TSPAN3: variants seen among roughly 807,000 people sequenced by gnomAD.
TSPAN3 encodes the protein tetraspanin 3.
A neutral mutation model predicts 31.1 loss-of-function variants in TSPAN3; 9 were observed. The ratio of observed to expected loss-of-function variants is 0.29; its 90% confidence interval spans 0.17 to 0.50. TSPAN3 has a LOEUF of 0.50. Ranked by LOEUF, TSPAN3 falls within the 20% of genes least tolerant of loss-of-function variation. TSPAN3 has a pLI of 0.98. For missense variants in TSPAN3, 252 were observed against 313.5 expected, an observed-to-expected ratio of 0.80 and a Z score of 1.48; for synonymous variants, 129 against 114.3, an observed-to-expected ratio of 1.13 and a Z score of -0.82.
At chr15:77,060,115 T>G (rs992935994) in intron 1 of TSPAN3, among the ~76,000 whole-genome samples, 13 of 152,146 alleles carry the variant, frequency 8.5e-5, no homozygotes, top group African/African-American at 3.1e-4. Flanking sequence ...CAGGCTGCAG[T>G]CAACATCCAA....
At chr15:77,053,452 A>AAAAC (rs1491393141) in intron 4 of TSPAN3, among the ~76,000 whole-genome samples, 3 of 29,946 alleles carry the variant, frequency 1.0e-4, no homozygotes, top group East Asian at 1.8e-3. Context: ...TCGCCATCTC[A>AAAAC]AAAAAAAAAA....
chr15:77,068,687 C>G (rs1399579864), intron 1 of TSPAN3, among the ~76,000 whole-genome samples: 1 of 152,124 alleles, frequency 6.6e-6, no homozygotes, highest in Non-Finnish European at 1.5e-5. Context: ...TTTAAAAAAG[C>G]CTGTAACTCT....
intron 1 of TSPAN3, among the ~76,000 whole-genome samples, chr15:77,058,639 C>T (rs78400422): frequency 1.3e-3 from 203 of 152,336 alleles, no homozygotes; most frequent in African/African-American, 3.9e-3. Flanking sequence ...GTCCTTCACC[C>T]TTGTATCATC....
rs182265240 is a variant in TSPAN3 at position 77,057,974 on chromosome 15, A to T, written c.64-1719T>A. Among the ~76,000 whole-genome samples, 326 of 152,148 alleles carry T rather than the reference A, an allele frequency of 2.1e-3. 1 individual carries two copies. The highest frequency in any genetic ancestry group is 3.2e-3 in the Non-Finnish European group (219 of 68,006). On this transcript the variant is annotated intron_variant, in intron 1 of 6. Transcript: ENST00000267970. ...TCATAGCAAAAGGTACCAGACATCT[A>T]ATTTTTCTGGTCAAACATCTGAGGA...
chr15:77,061,536 T>G (rs985211876), intron 1 of TSPAN3, among the ~76,000 whole-genome samples: 1 of 143,920 alleles, frequency 6.9e-6, no homozygotes, highest in Non-Finnish European at 1.5e-5. Flanking sequence ...CTCAAAAAAT[T>G]AAAAAAAAAA....
intron 1 of TSPAN3, among the ~76,000 whole-genome samples, chr15:77,061,903 T>C (rs1351951025): frequency 6.6e-6 from 1 of 152,362 alleles, no homozygotes; most frequent in Non-Finnish European, 1.5e-5. Context: ...CTTGCTTGCC[T>C]GTGTGAACTG....
intron 1 of TSPAN3, among the ~76,000 whole-genome samples, chr15:77,061,782 G>A (rs983424319): frequency 2.6e-5 from 4 of 152,236 alleles, no homozygotes; most frequent in African/African-American, 9.6e-5. Flanking sequence ...GCAGTGGTAT[G>A]TAGTAGCCAT....
chr15:77,057,070 G>A (rs1471759115), intron 1 of TSPAN3, among the ~76,000 whole-genome samples: 1 of 152,184 alleles, frequency 6.6e-6, no homozygotes. Flanking sequence ...CAAGTGATAG[G>A]TGTGTCTTAT....
intron 1 of TSPAN3, among the ~76,000 whole-genome samples, chr15:77,061,388 G>T (rs1398933086): frequency 6.6e-6 from 1 of 152,100 alleles, no homozygotes; most frequent in Non-Finnish European, 1.5e-5. Flanking sequence ...TTAGCCGGGC[G>T]TGGTGGCACA....
intron 6 of TSPAN3, among the ~76,000 whole-genome samples, chr15:77,052,144 G>C (rs1037461515): frequency 2.0e-5 from 3 of 152,212 alleles, no homozygotes; most frequent in African/African-American, 7.2e-5. Flanking sequence ...AAGACAGTAA[G>C]ACGAGGAGTT....
intron 1 of TSPAN3, among the ~76,000 whole-genome samples, chr15:77,066,503 C>A (rs984858449): frequency 6.2e-5 from 8 of 129,858 alleles, no homozygotes; most frequent in African/African-American, 2.3e-4. Context: ...ACCCGGGAGA[C>A]AGAGGCTGCA....
intron 1 of TSPAN3, chr15:77,063,353 T>C (rs2076811530): frequency 6.6e-6 from 1 of 152,158 alleles, no homozygotes; most frequent in Admixed American, 6.5e-5. Context: ...TGTGTTTTTT[T>C]AACTCACCAC....
chr15:77,062,903 T>G (rs1212008373), intron 1 of TSPAN3, among the ~76,000 whole-genome samples: 1 of 152,192 alleles, frequency 6.6e-6, no homozygotes, highest in African/African-American at 2.4e-5. Context: ...AACACATATA[T>G]CACATATTGG....
At chr15:77,049,807 A>C (rs2076718032) in intron 6 of TSPAN3, among the ~76,000 whole-genome samples, 1 of 152,242 alleles carries the variant, frequency 6.6e-6, no homozygotes, top group African/African-American at 2.4e-5. Context: ...GACAAAAATC[A>C]ATCAATATTG....
chr15:77,046,403 G>A lies in TSPAN3; in HGVS notation c.*432C>T, dbSNP rs2076691218. 4.9e-6 allele frequency: 2 copies of A among 406,034 alleles called. No homozygotes were observed. The highest frequency in any genetic ancestry group is 8.7e-6 in the Non-Finnish European group (2 of 229,848). The allele number at this position is 406,034 out of a possible 1,614,324, so 25.2% of individuals were successfully genotyped here. A position where few individuals can be genotyped will look rare whatever the true frequency, so the allele number is the denominator to read the frequency against. ...ACACCAATGAGGGGCACCATCTGGT[G>A]TTAACCTTAACCAGAAAGCTGGTTT... On this transcript the variant is annotated 3_prime_UTR_variant, in exon 7 of 7. Coordinates refer to ENST00000267970, the MANE Select transcript of TSPAN3 (RefSeq NM_005724.6).
chr15:77,044,303 T>G lies in TSPAN3; in HGVS notation c.*2532A>C, dbSNP rs1343615507. The G allele has an allele frequency of 6.6e-6, 1 of 152,148 alleles. No homozygotes were observed. The highest frequency in any genetic ancestry group is 6.5e-5 in the Admixed American group (1 of 15,284). The allele number at this position is 152,148 out of a possible 1,614,324, so 9.4% of individuals were successfully genotyped here. On this transcript the variant is annotated 3_prime_UTR_variant, in exon 7 of 7. Transcript: ENST00000267970. ...CAGACATGACGAGCAGTGCTTTTGC[T>G]CTCTGAAGAACAAGCACTGGGTAAT...
At chr15:77,047,871 T>C (rs1272549051) in intron 6 of TSPAN3, among the ~76,000 whole-genome samples, 1 of 152,188 alleles carries the variant, frequency 6.6e-6, no homozygotes, top group East Asian at 1.9e-4. Flanking sequence ...TGGGGGTCAA[T>C]CTAATTTCCG....
At chr15:77,062,544 T>C (rs1455546502) in intron 1 of TSPAN3, among the ~76,000 whole-genome samples, 2 of 152,156 alleles carry the variant, frequency 1.3e-5, no homozygotes, top group Non-Finnish European at 2.9e-5. Context: ...GCAATAAAGT[T>C]AAGGAGTATT....
chr15:77,070,870 C>CG, intron 1 of TSPAN3, 22 bp downstream of exon 1: 1 of 1,318,394 alleles, frequency 7.6e-7, no homozygotes, highest in Non-Finnish European at 9.8e-7. Flanking sequence ...GCCGGCCCCT[C>CG]GCTCTGCCCG....
Sources: gnomAD v4.1 joint callset for allele counts (sites outside exome capture counted in the v4.1 genomes callset) on GRCh38, gnomAD v4.1.1 for gene constraint, MANE v1.5 for transcripts, NCBI Gene and HGNC (gene_info 2026-07-23, HGNC 2026-07-21) for gene names.